The following TNIP3 variants were observed in gnomAD, a reference collection of about 807,000 sequenced individuals.
The protein encoded by TNIP3 is TNFAIP3 interacting protein 3.
A neutral mutation model predicts 54.1 loss-of-function variants in TNIP3; 34 were observed. That is an observed-to-expected ratio of 0.63 (90% confidence interval 0.48 to 0.84). TNIP3 has a LOEUF of 0.84. Ranked by LOEUF, TNIP3 falls within the 40% of genes least tolerant of loss-of-function variation. The probability of loss-of-function intolerance (pLI) is 0.00; values close to 1 mark genes in which losing one functional copy is unlikely to be tolerated. For missense variants in TNIP3, 366 were observed against 387.6 expected, an observed-to-expected ratio of 0.94 and a Z score of 0.47; for synonymous variants, 134 against 136.8, an observed-to-expected ratio of 0.98 and a Z score of 0.14.
chr4:121,153,082 G>A (rs1260739770), intron 5 of TNIP3, among the ~76,000 whole-genome samples: 3 of 152,042 alleles, frequency 2.0e-5, no homozygotes, highest in Non-Finnish European at 2.9e-5. Context: ...ATCTTTGAGA[G>A]GTGACATTTG....
At chr4:121,171,248 T>A (rs949359722) in intron 3 of TNIP3, among the ~76,000 whole-genome samples, 1 of 152,214 alleles carries the variant, frequency 6.6e-6, no homozygotes, top group African/African-American at 2.4e-5. Flanking sequence ...ACCTTTGAAT[T>A]TCAAGAGCTA....
chr4:121,161,286 A>G (rs1730437474), intron 1 of TNIP3, 70 bp from the exon 2 acceptor site: 5 of 1,369,094 alleles, frequency 3.7e-6, no homozygotes, highest in Admixed American at 2.5e-5. Context: ...ACTGTTCCTC[A>G]GAAACCCCAT....
chr4:121,150,253 G>T, intron 5 of TNIP3, 34 bp from the exon 6 acceptor site: 1 of 1,291,108 alleles, frequency 7.7e-7, no homozygotes. Context: ...GTTGATCTAA[G>T]ATTTACCACA....
At chr4:121,194,036 T>C (rs534901792) in intron 2 of TNIP3, among the ~76,000 whole-genome samples, 2 of 152,258 alleles carry the variant, frequency 1.3e-5, no homozygotes, top group African/African-American at 4.8e-5. Flanking sequence ...GATTGGAGCC[T>C]TTTTTATGCA....
rs1399958870 is a variant in TNIP3, at chr4:121,204,283, C to T, written c.68+12132G>A. ...GAGATAAATGCATATCTGATTGCCTCATTTGGAGAGGCTAATCAGAAAGTC... is the reference window on the plus strand; with the variant it reads ...GAGATAAATGCATATCTGATTGCCTTATTTGGAGAGGCTAATCAGAAAGTC... On this transcript the variant is annotated intron_variant, in intron 2 of 12. Transcript: ENST00000507879. 2.6e-5 allele frequency among the ~76,000 whole-genome samples: 4 copies of T among 152,114 alleles called. No homozygotes were observed. In the East Asian group the frequency reaches 7.7e-4, roughly 29 times the overall value.
chr4:121,194,026 G>T (rs767469025), intron 2 of TNIP3, among the ~76,000 whole-genome samples: 1 of 152,102 alleles, frequency 6.6e-6, no homozygotes, highest in Non-Finnish European at 1.5e-5. Flanking sequence ...TAAGATCCTG[G>T]ATTGGAGCCT....
intron 2 of TNIP3, among the ~76,000 whole-genome samples, chr4:121,214,857 G>C (rs868497318): frequency 6.6e-6 from 1 of 152,098 alleles, no homozygotes; most frequent in Non-Finnish European, 1.5e-5. Flanking sequence ...GCTTATTGTA[G>C]ACCCACAGTC....
Position 121,142,769 on chromosome 4 carries a change from G to A in TNIP3, c.743C>T (p.Ala248Val). 1.2e-6 allele frequency: 2 copies of A among 1,611,856 alleles called. No homozygotes were observed. The highest frequency in any genetic ancestry group is 1.7e-6 in the Non-Finnish European group (2 of 1,178,572). ...QLNRLNSQIK[A>V]CQMEKEKLEK... The stretch of plus-strand genomic sequence containing the variant: ...TAGTTTTTCTTTCTCCATCTGACAA[G>A]CTTTTATCTAAAGACAAAACAAAGG... Residue 248 changes from alanine to valine, a missense_variant, in exon 8 of 11, where the codon GCT (alanine) becomes GTT (valine). Coordinates refer to ENST00000057513, the MANE Select transcript of TNIP3 (RefSeq NM_024873.6).
chr4:121,132,566 C>T lies in TNIP3; in HGVS notation c.*65G>A. 1.4e-6 allele frequency: 2 copies of T among 1,479,346 alleles called. No individual in the cohort carries two copies. Among genetic ancestry groups the T allele is most frequent in the South Asian group, 2.3e-5 (2 of 86,550 alleles). The allele number at this position is 1,479,346 out of a possible 1,614,324, so 91.6% of individuals were successfully genotyped here. ...TGGCAGAAACAAGCCTCAGTATAAA[C>T]AAAGAAGAGGGTCCTCAGCCACGCT... On this transcript the variant is annotated 3_prime_UTR_variant, in exon 11 of 11. Transcript: ENST00000057513.
At chr4:121,141,946 A>C (rs1383242910) in intron 8 of TNIP3, 32 bp from the exon 9 acceptor site, 1 of 1,484,126 alleles carries the variant, frequency 6.7e-7, no homozygotes, top group Non-Finnish European at 9.2e-7. Context: ...GGTCACTACC[A>C]GTGGGAGAGA....
chr4:121,175,750 T>C (rs984736057), intron 3 of TNIP3, among the ~76,000 whole-genome samples: 1 of 152,218 alleles, frequency 6.6e-6, no homozygotes, highest in Non-Finnish European at 1.5e-5. Context: ...TTGCACCACT[T>C]CTGTCCTGTG....
chr4:121,143,059 GA>G (rs1452161086), intron 7 of TNIP3, among the ~76,000 whole-genome samples: 4 of 152,196 alleles, frequency 2.6e-5, no homozygotes. Context: ...ATTGCTTACT[GA>G]ATGACATTGG....
At chr4:121,203,184 CATCA>C (rs1339777143) in intron 2 of TNIP3, among the ~76,000 whole-genome samples, 1 of 151,118 alleles carries the variant, frequency 6.6e-6, no homozygotes, top group African/African-American at 2.4e-5. Flanking sequence ...CCCAAATGCC[CATCA>C]ATCAATGAGT....
Position 121,157,199 on chromosome 4 carries a change from G to C in TNIP3, c.258C>G (p.Leu86=), listed in dbSNP as rs1178620828. 2.5e-6 allele frequency: 4 copies of C among 1,613,984 alleles called. No homozygotes were observed. The highest frequency in any genetic ancestry group is 1.1e-5 in the South Asian group (1 of 91,082). Residue 86 remains leucine (L), a synonymous_variant, in exon 4 of 11, where the codon CTC becomes CTG. Transcript: ENST00000057513. ...GATGCGGATCCTTCTCCCGCGTGCT[G>C]AGGAATCTTTCCGCGGCGTCCAGTT... ...KTKLDAAERF[L]STREKDPHQR...
intron 3 of TNIP3, among the ~76,000 whole-genome samples, chr4:121,171,324 C>G (rs937385937): frequency 3.9e-5 from 6 of 151,988 alleles, no homozygotes; most frequent in Admixed American, 3.9e-4. Flanking sequence ...TTTGAAATGC[C>G]TCAAAAAGTT....
Position 121,132,448 on chromosome 4 carries a change from A to T in TNIP3, c.*183T>A. The T allele has an allele frequency of 1.9e-6, 1 of 520,572 alleles. No individual in the cohort carries two copies. The highest frequency in any genetic ancestry group is 3.4e-6 in the Non-Finnish European group (1 of 293,608). 32.2% of individuals were successfully genotyped at this position (520,572 alleles called of 1,614,324 possible). A position where few individuals can be genotyped will look rare whatever the true frequency, so the allele number is the denominator to read the frequency against. Reference sequence around the variant, plus strand: ...TATAATAACTGGCTCCTCCAATTTGATCAGGATCTTAGCTGTCAGAAGCCT... The same window carrying T: ...TATAATAACTGGCTCCTCCAATTTGTTCAGGATCTTAGCTGTCAGAAGCCT... On this transcript the variant is annotated 3_prime_UTR_variant, in exon 11 of 11. Coordinates refer to ENST00000057513, the MANE Select transcript of TNIP3 (RefSeq NM_024873.6).
chr4:121,180,652 G>A (rs1724638803), intron 3 of TNIP3, among the ~76,000 whole-genome samples: 3 of 152,182 alleles, frequency 2.0e-5, no homozygotes, highest in Admixed American at 2.0e-4. Context: ...TCTCGTATAT[G>A]TTTGAAGTGG....
At chr4:121,161,760 C>T (rs1186538089) in intron 1 of TNIP3, among the ~76,000 whole-genome samples, 2 of 152,128 alleles carry the variant, frequency 1.3e-5, no homozygotes, top group African/African-American at 4.8e-5. Flanking sequence ...TTTTAGCCAG[C>T]TCTTTGAATA....
intron 3 of TNIP3, among the ~76,000 whole-genome samples, chr4:121,175,491 A>G (rs891758625): frequency 2.0e-5 from 3 of 152,080 alleles, no homozygotes; most frequent in Admixed American, 2.0e-4. Flanking sequence ...TGCCCACCCC[A>G]TTGACCCAAA....
Sources: gnomAD v4.1 joint callset for allele counts (sites outside exome capture counted in the v4.1 genomes callset) on GRCh38, gnomAD v4.1.1 for gene constraint, MANE v1.5 for transcripts, NCBI Gene and HGNC (gene_info 2026-07-23, HGNC 2026-07-21) for gene names.